The following SPMIP5 variants were observed in gnomAD, a reference collection of about 807,000 sequenced individuals.
SPMIP5 encodes the protein sperm microtubule inner protein 5.
chr10:116,667,202 G>A, the SPMIP5 span, among the ~76,000 whole-genome samples: 1 of 152,184 alleles, frequency 6.6e-6, no homozygotes, highest in African/African-American at 2.4e-5. Context: ...AGTGACTGGA[G>A]AGATGCTGCC....
At chr10:116,662,667 G>A in the SPMIP5 span, among the ~76,000 whole-genome samples, 744 of 152,238 alleles carry the variant, frequency 4.9e-3, 7 homozygotes, top group African/African-American at 0.017. Context: ...TTCTGCATAC[G>A]GGTGGTTGCT....
At chr10:116,665,838 G>A in the SPMIP5 span, 44 of 1,598,072 alleles carry the variant, frequency 2.8e-5, no homozygotes, top group Middle Eastern at 3.3e-4. Flanking sequence ...TGCAAGAGCC[G>A]AATGGAATCA....
chr10:116,663,374 G>C, the SPMIP5 span, among the ~76,000 whole-genome samples: 2 of 152,126 alleles, frequency 1.3e-5, no homozygotes, highest in Admixed American at 6.5e-5. Flanking sequence ...CCAGCCTCCA[G>C]AACTGTGAGA....
chr10:116,666,363 T>G, the SPMIP5 span, among the ~76,000 whole-genome samples: 1 of 152,112 alleles, frequency 6.6e-6, no homozygotes, highest in African/African-American at 2.4e-5. Flanking sequence ...CCAAGTAACA[T>G]ATAATCATTA....
the SPMIP5 span, chr10:116,665,014 G>A: frequency 6.5e-7 from 1 of 1,545,236 alleles, no homozygotes; most frequent in Non-Finnish European, 8.7e-7. Context: ...CAGAAGCTGA[G>A]GCCTGAAAAC....
At chr10:116,662,511 A>C in the SPMIP5 span, among the ~76,000 whole-genome samples, 1 of 152,122 alleles carries the variant, frequency 6.6e-6, no homozygotes, top group Non-Finnish European at 1.5e-5. Context: ...TCTGACTTCT[A>C]CCCATGGAAT....
chr10:116,665,408 A>G, the SPMIP5 span: 13 of 451,622 alleles, frequency 2.9e-5, no homozygotes, highest in Non-Finnish European at 4.2e-5. Flanking sequence ...CCGTCTCAAA[A>G]AAAAAAAAAA....
At chr10:116,666,042 G>A in the SPMIP5 span, among the ~76,000 whole-genome samples, 1 of 152,238 alleles carries the variant, frequency 6.6e-6, no homozygotes, top group Non-Finnish European at 1.5e-5. Flanking sequence ...TGGAGCTGGG[G>A]AGGGAAGGCC....
the SPMIP5 span, chr10:116,665,543 G>GC: frequency 6.8e-7 from 1 of 1,479,366 alleles, no homozygotes. Flanking sequence ...GGGCAGCTCA[G>GC]CTGGCCTATG....
At chr10:116,663,872 C>T in the SPMIP5 span, 1 of 1,496,596 alleles carries the variant, frequency 6.7e-7, no homozygotes, top group East Asian at 2.5e-5. Context: ...GGAAGCCCCA[C>T]TTAAAGTTCA....
the SPMIP5 span, chr10:116,663,761 C>T: frequency 1.1e-6 from 1 of 899,152 alleles, no homozygotes; most frequent in East Asian, 2.7e-5. Context: ...TGACATGCAA[C>T]CGTCAACCAC....
chr10:116,665,009 G>A, the SPMIP5 span: 1 of 1,549,248 alleles, frequency 6.5e-7, no homozygotes, highest in Non-Finnish European at 8.7e-7. Context: ...TGACCCAGAA[G>A]CTGAGGCCTG....
the SPMIP5 span, chr10:116,664,853 G>C: frequency 6.2e-7 from 1 of 1,614,146 alleles, no homozygotes; most frequent in Non-Finnish European, 8.5e-7. Flanking sequence ...TGTATCTCGT[G>C]CCACAGCCAA....
At chr10:116,670,252 T>TAGAC in the SPMIP5 span, 1 of 151,766 alleles carries the variant, frequency 6.6e-6, no homozygotes, top group Non-Finnish European at 1.5e-5. Context: ...TTTGCGGGTG[T>TAGAC]AGACACTGCG....
chr10:116,668,291 T>C, the SPMIP5 span: 2 of 1,613,754 alleles, frequency 1.2e-6, no homozygotes, highest in Non-Finnish European at 1.7e-6. Flanking sequence ...AGGTTTCTCA[T>C]GAAGGTCTTG....
At chr10:116,664,040 G>A in the SPMIP5 span, 8 of 1,585,362 alleles carry the variant, frequency 5.0e-6, no homozygotes, top group African/African-American at 9.4e-5. Context: ...CCAAGGGCAG[G>A]GCAGCTTCCA....
the SPMIP5 span, chr10:116,665,646 A>G: frequency 6.2e-7 from 1 of 1,613,948 alleles, no homozygotes; most frequent in African/African-American, 1.3e-5. Context: ...GTACTGGTGC[A>G]GGGCCTGCAG....
At chr10:116,669,464 A>C in the SPMIP5 span, among the ~76,000 whole-genome samples, 1 of 152,176 alleles carries the variant, frequency 6.6e-6, no homozygotes, top group Non-Finnish European at 1.5e-5. Context: ...CCACCTGCTT[A>C]CTTTTCTGAA....
the SPMIP5 span, chr10:116,664,715 C>T: frequency 6.3e-7 from 1 of 1,593,860 alleles, no homozygotes; most frequent in Non-Finnish European, 8.6e-7. Context: ...GTTTGCACTT[C>T]TCCCTTTGAC....
Sources: gnomAD v4.1 joint callset for allele counts (sites outside exome capture counted in the v4.1 genomes callset) on GRCh38, gnomAD v4.1.1 for gene constraint, MANE v1.5 for transcripts, NCBI Gene and HGNC (gene_info 2026-07-23, HGNC 2026-07-21) for gene names.